Variants in ELAPOR2 observed in about 807,000 individuals in gnomAD.
ELAPOR2 encodes the protein endosome/lysosome-associated apoptosis and autophagy regulator family member 2.
Under a neutral mutation model 120.7 loss-of-function variants are expected in ELAPOR2, and 89 were observed. That is an observed-to-expected ratio of 0.74 (90% CI 0.62 to 0.88). The LOEUF (loss-of-function observed/expected upper bound fraction) is 0.88, where lower values mean the gene tolerates loss of function less well. Ranked by LOEUF, ELAPOR2 falls within the 40% of genes least tolerant of loss-of-function variation. The pLI, the probability that ELAPOR2 is intolerant of heterozygous loss-of-function variation, is 0.00. For missense variants in ELAPOR2, 1,134 were observed against 1,251.6 expected, an observed-to-expected ratio of 0.91 and a Z score of 1.42; for synonymous variants, 444 against 444.9, an observed-to-expected ratio of 1.00 and a Z score of 0.03.
chr7:86,926,366 C>T (rs887120702), intron 9 of ELAPOR2, among the ~76,000 whole-genome samples: 1 of 151,972 alleles, frequency 6.6e-6, no homozygotes, highest in Non-Finnish European at 1.5e-5. Context: ...AAATGTCCTT[C>T]TCAATGATGA....
At chr7:86,963,013 G>A (rs1053093701) in intron 2 of ELAPOR2, among the ~76,000 whole-genome samples, 19 of 152,106 alleles carry the variant, frequency 1.2e-4, no homozygotes, top group African/African-American at 3.9e-4. Flanking sequence ...AGGCCAGATC[G>A]ACAAATTCCA....
At chr7:86,939,071 T>C (rs1284334299) in intron 6 of ELAPOR2, 111 bp from the exon 7 acceptor site, 30 of 1,118,854 alleles carry the variant, frequency 2.7e-5, no homozygotes, top group Non-Finnish European at 3.7e-5. Flanking sequence ...AACAGTAAGG[T>C]CAGCCCAAAT....
At chr7:86,919,136 C>T (rs1019682037) in intron 11 of ELAPOR2, 84 bp downstream of exon 11, 1 of 888,440 alleles carries the variant, frequency 1.1e-6, no homozygotes, top group Non-Finnish European at 1.8e-6. Flanking sequence ...TAATATGTTC[C>T]ATAAAGTAGC....
intron 1 of ELAPOR2, among the ~76,000 whole-genome samples, chr7:87,022,737 C>G (rs1170408671): frequency 6.6e-6 from 1 of 150,456 alleles, no homozygotes; most frequent in Non-Finnish European, 1.5e-5. Context: ...CTCTCCAGCA[C>G]CTGTTGTTTC....
chr7:86,947,424 A>C (rs1791054320), intron 3 of ELAPOR2, among the ~76,000 whole-genome samples: 1 of 152,238 alleles, frequency 6.6e-6, no homozygotes, highest in African/African-American at 2.4e-5. Flanking sequence ...TCTGTTAAAA[A>C]TCAGAAAAAG....
chr7:87,041,739 A>C (rs1794794734), intron 1 of ELAPOR2, among the ~76,000 whole-genome samples: 1 of 151,948 alleles, frequency 6.6e-6, no homozygotes, highest in African/African-American at 2.4e-5. Context: ...TCATCATGAC[A>C]GGATCAAATT....
chr7:86,918,391 G>A lies in ELAPOR2; in HGVS notation c.1593+51C>T, dbSNP rs777943425. 86 of 916,404 alleles carry A rather than the reference G, an allele frequency of 9.4e-5. 1 individual carries two copies. The highest frequency in any genetic ancestry group is 1.2e-4 in the Non-Finnish European group (72 of 596,640). 56.8% of individuals were successfully genotyped at this position (916,404 alleles called of 1,614,324 possible). On this transcript the variant is annotated intron_variant, in intron 12 of 21. Transcript: ENST00000450689. ...TGCCACAAATAAATTTACACTTGAA[G>A]GAGAATGCTAAGCTTAGAAATCTGC...
At chr7:86,938,750 T>G in intron 7 of ELAPOR2, 58 bp downstream of exon 7, 7 of 1,578,890 alleles carry the variant, frequency 4.4e-6, no homozygotes, top group Non-Finnish European at 6.1e-6. Context: ...GGTTTATAAA[T>G]GTACACTTGA....
intron 1 of ELAPOR2, among the ~76,000 whole-genome samples, chr7:86,985,592 A>C (rs12704309): frequency 0.38 from 57,501 of 151,932 alleles, 11,734 homozygotes; most frequent in African/African-American, 0.53. Flanking sequence ...ACAAAAACCA[A>C]ATGATTATCT....
intron 1 of ELAPOR2, among the ~76,000 whole-genome samples, chr7:87,020,860 C>G (rs1336134909): frequency 6.6e-6 from 1 of 152,090 alleles, no homozygotes; most frequent in African/African-American, 2.4e-5. Flanking sequence ...TCATTTCAAT[C>G]GCTTGAGACC....
intron 1 of ELAPOR2, among the ~76,000 whole-genome samples, chr7:86,991,417 T>C (rs1792941614): frequency 6.6e-6 from 1 of 152,176 alleles, no homozygotes; most frequent in South Asian, 2.1e-4. Context: ...CATTGTTCTC[T>C]TTCCAGTAAA....
intron 1 of ELAPOR2, among the ~76,000 whole-genome samples, chr7:87,043,089 T>G (rs1361626330): frequency 1.3e-5 from 2 of 151,828 alleles, no homozygotes; most frequent in Non-Finnish European, 2.9e-5. Context: ...AATAGACCAA[T>G]AACAGGAGCT....
At chr7:86,936,741 T>C (rs1278102918) in intron 8 of ELAPOR2, among the ~76,000 whole-genome samples, 2 of 152,090 alleles carry the variant, frequency 1.3e-5, no homozygotes, top group Non-Finnish European at 1.5e-5. Context: ...ATACATTTAA[T>C]ATACGGTCTT....
chr7:86,910,152 T>C (rs1789230968), intron 15 of ELAPOR2, 151 bp from the exon 16 acceptor site: 7 of 587,086 alleles, frequency 1.2e-5, no homozygotes, highest in Non-Finnish European at 1.7e-5. Context: ...TAGCCACCCA[T>C]CAGTACTTTT....
intron 8 of ELAPOR2, among the ~76,000 whole-genome samples, chr7:86,931,873 C>A (rs1415307500): frequency 2.0e-5 from 3 of 151,968 alleles, no homozygotes; most frequent in African/African-American, 7.2e-5. Flanking sequence ...TATTTAAGAG[C>A]ATATGATTTC....
At chr7:86,910,175 A>G (rs1315725887) in intron 15 of ELAPOR2, among the ~76,000 whole-genome samples, 174 bp from the exon 16 acceptor site, 1 of 152,070 alleles carries the variant, frequency 6.6e-6, no homozygotes, top group South Asian at 2.1e-4. Flanking sequence ...AAAGCTCTCA[A>G]GGAAAGTCCA....
intron 1 of ELAPOR2, among the ~76,000 whole-genome samples, chr7:86,968,448 G>A (rs1208289251): frequency 6.6e-6 from 1 of 152,146 alleles, no homozygotes; most frequent in Non-Finnish European, 1.5e-5. Flanking sequence ...AGTGAAATGA[G>A]TTTATTGGGA....
At chr7:86,913,786 T>A (rs1056043356) in intron 13 of ELAPOR2, among the ~76,000 whole-genome samples, 1 of 152,098 alleles carries the variant, frequency 6.6e-6, no homozygotes. Flanking sequence ...AAAACCTGGG[T>A]CTTATTATGT....
rs192931039 is a variant in ELAPOR2 at position 87,028,580 on chromosome 7, T to G, written c.189+30745A>C. Among the ~76,000 whole-genome samples the G allele has an allele frequency of 1.3e-3, 194 of 152,268 alleles. 1 individual carries two copies. Among genetic ancestry groups the G allele is most frequent in the African/African-American group, 4.4e-3 (184 of 41,564 alleles). On this transcript the variant is annotated intron_variant, in intron 1 of 21. Coordinates refer to ENST00000450689, the MANE Select transcript of ELAPOR2 (RefSeq NM_001142749.3). ...AAAAAATCCAATTTCTTCTCACCAT[T>G]CCACACCTAACACCTTAATCTAAGC... is the stretch of plus-strand genomic sequence containing the variant.
Sources: allele counts gnomAD v4.1 joint callset (sites outside exome capture counted in the v4.1 genomes callset), GRCh38; gene constraint gnomAD v4.1.1; transcripts MANE v1.5; gene names NCBI Gene and HGNC (gene_info 2026-07-23, HGNC 2026-07-21).